The following TPST2 variants were observed in gnomAD, a reference collection of about 807,000 sequenced individuals.
The protein encoded by TPST2 is tyrosylprotein sulfotransferase 2.
Under a neutral mutation model 27.8 loss-of-function variants are expected in TPST2, and 16 were observed. The ratio of observed to expected loss-of-function variants is 0.58; its 90% CI spans 0.39 to 0.88. The LOEUF (loss-of-function observed/expected upper bound fraction) is 0.88, where lower values mean the gene tolerates loss of function less well. Among genes scored for constraint, TPST2 ranks in the 40% least tolerant of loss-of-function variants. The pLI, the probability that TPST2 is intolerant of heterozygous loss-of-function variation, is 0.00. For missense variants in TPST2, 464 were observed against 543.1 expected (o/e 0.85, Z 1.45); for synonymous variants, 229 against 231.7 (o/e 0.99, Z 0.10).
At chr22:26,572,481 C>G (rs760873900) in intron 1 of TPST2, among the ~76,000 whole-genome samples, 7 of 152,222 alleles carry the variant, frequency 4.6e-5, no homozygotes, top group Admixed American at 6.5e-5. Context: ...TACCTTTTTG[C>G]TCAATGCTAT....
intron 1 of TPST2, among the ~76,000 whole-genome samples, chr22:26,583,118 GAAAA>G: frequency 1.0e-5 from 1 of 99,548 alleles, no homozygotes; most frequent in South Asian, 3.0e-4. Context: ...TCTCAAAAAG[GAAAA>G]AAAAAAAAAA....
chr22:26,558,285 C>T (rs1262793447), intron 1 of TPST2, among the ~76,000 whole-genome samples: 1 of 151,666 alleles, frequency 6.6e-6, no homozygotes, highest in Non-Finnish European at 1.5e-5. Context: ...ATTACAGGCA[C>T]TGGGCCACAA....
In TPST2 at chr22:26,541,626, C is replaced by A. The variant is rs773308366; in HGVS notation, c.5G>T (p.Arg2Leu). Residue 2 changes from arginine to leucine, a missense_variant, in exon 3 of 7, where the codon CGC becomes CTC. Transcript: ENST00000338754. The surrounding 1 kb of genome is among the most constrained non-coding windows in gnomAD (Gnocchi z 5.9). Reference protein sequence around the residue: MRLSVRRVLLAA... With the variant: MLLSVRRVLLAA... ...CAGCAGCACCCTCCGCACCGACAGG[C>A]GCATGCTGGGCCGGAGGCAGGGTAG... The A allele has an allele frequency of 6.4e-7, 1 of 1,572,440 alleles. No individual in the cohort carries two copies. Among genetic ancestry groups the A allele is most frequent in the Non-Finnish European group, 8.6e-7 (1 of 1,164,698 alleles).
intron 1 of TPST2, among the ~76,000 whole-genome samples, chr22:26,589,679 T>G: frequency 6.6e-6 from 1 of 151,978 alleles, no homozygotes; most frequent in Non-Finnish European, 1.5e-5. Flanking sequence ...CCCGCGCGCC[T>G]GGGCGAGGTT....
intron 1 of TPST2, among the ~76,000 whole-genome samples, chr22:26,585,262 ACGGGC>A (rs1382447938): frequency 2.0e-5 from 3 of 152,186 alleles, no homozygotes; most frequent in African/African-American, 7.2e-5. Context: ...CACTCGGCAG[ACGGGC>A]TGGCTGCCCG....
At chr22:26,587,416 C>T (rs766447729) in intron 1 of TPST2, among the ~76,000 whole-genome samples, 8 of 152,178 alleles carry the variant, frequency 5.3e-5, no homozygotes, top group Non-Finnish European at 1.0e-4. Flanking sequence ...TCTTGGCTTA[C>T]TGCAACCTCT....
At position 26,552,092 on chromosome 22, in the gene TPST2, G is replaced by A. The variant is rs115839148; in HGVS notation, c.-160-7417C>T. On this transcript the variant is annotated intron_variant, in intron 1 of 6. Coordinates refer to ENST00000338754, the MANE Select transcript of TPST2 (RefSeq NM_003595.5). ...GGGGTCTTAATACATTGTCCAGGCT[G>A]GTCTCAAACTCCTGGGCTCAAGTAA... Among the ~76,000 whole-genome samples, 595 of 151,884 alleles carry A rather than the reference G, an allele frequency of 3.9e-3. 4 individuals carry two copies. The highest frequency in any genetic ancestry group is 0.013 in the African/African-American group (558 of 41,434).
At chr22:26,568,786 T>A (rs979069481) in intron 1 of TPST2, among the ~76,000 whole-genome samples, 2 of 152,210 alleles carry the variant, frequency 1.3e-5, no homozygotes, top group Non-Finnish European at 2.9e-5. Flanking sequence ...TGGGAGGCTC[T>A]GTCTATGCAG....
intron 1 of TPST2, among the ~76,000 whole-genome samples, chr22:26,563,838 T>C (rs1291963478): frequency 6.6e-6 from 1 of 152,226 alleles, no homozygotes; most frequent in Non-Finnish European, 1.5e-5. Flanking sequence ...CCTGGGAGGC[T>C]GCTAGTCCCA....
intron 1 of TPST2, among the ~76,000 whole-genome samples, chr22:26,588,713 A>C (rs1183875093): frequency 6.6e-6 from 1 of 152,200 alleles, no homozygotes; most frequent in East Asian, 1.9e-4. Context: ...CCAGCTTTAC[A>C]GTTATGGAAA....
chr22:26,532,971 C>T (rs1170848390), intron 4 of TPST2, among the ~76,000 whole-genome samples: 1 of 152,064 alleles, frequency 6.6e-6, no homozygotes, highest in African/African-American at 2.4e-5. Context: ...CCTGGAGCTA[C>T]CATTCTAGAG....
intron 1 of TPST2, among the ~76,000 whole-genome samples, chr22:26,572,817 C>T (rs953312416): frequency 2.0e-5 from 3 of 151,768 alleles, no homozygotes; most frequent in Admixed American, 6.6e-5. Flanking sequence ...CTACACTTAT[C>T]ACAGAGCCTG....
intron 2 of TPST2, chr22:26,543,110 CAG>C (rs1447134326): frequency 6.6e-6 from 1 of 152,204 alleles, no homozygotes; most frequent in Non-Finnish European, 1.5e-5. Context: ...CCACTGACCT[CAG>C]AGGCTGCTGT....
chr22:26,537,789 C>T (rs569791267), intron 3 of TPST2, among the ~76,000 whole-genome samples: 18 of 152,200 alleles, frequency 1.2e-4, no homozygotes, highest in Admixed American at 9.8e-4. Context: ...TTAGCATGCT[C>T]TCTCTCCTGT....
At chr22:26,579,196 A>C (rs1927989500) in intron 1 of TPST2, among the ~76,000 whole-genome samples, 1 of 152,064 alleles carries the variant, frequency 6.6e-6, no homozygotes, top group South Asian at 2.1e-4. Flanking sequence ...TTTCTTCCCA[A>C]AACTCTTAGC....
chr22:26,529,069 C>A (rs2147171540), intron 5 of TPST2, among the ~76,000 whole-genome samples: 1 of 151,794 alleles, frequency 6.6e-6, no homozygotes, highest in South Asian at 2.1e-4. Context: ...CCCTAGATAG[C>A]TTCAGGATTA....
At chr22:26,563,772 C>T (rs527500353) in intron 1 of TPST2, among the ~76,000 whole-genome samples, 19 of 152,326 alleles carry the variant, frequency 1.2e-4, no homozygotes, top group African/African-American at 4.3e-4. Flanking sequence ...CCTCCTTGTG[C>T]CCATGCATGA....
intron 1 of TPST2, among the ~76,000 whole-genome samples, chr22:26,581,019 TACACACAC>T (rs10540036): frequency 0.27 from 32,708 of 119,946 alleles, 3,819 homozygotes; most frequent in African/African-American, 0.31. Context: ...TCAACATACA[TACACACAC>T]ACACACACAC....
intron 1 of TPST2, 75 bp from the exon 2 acceptor site, chr22:26,544,750 G>T: frequency 1.2e-6 from 1 of 852,560 alleles, no homozygotes; most frequent in Non-Finnish European, 1.4e-6. Context: ...GAGGCAGAGT[G>T]AGGGTTTAGG....
Sources: gnomAD v4.1 joint callset for allele counts (sites outside exome capture counted in the v4.1 genomes callset) on GRCh38, gnomAD v4.1.1 for gene constraint, Gnocchi (gnomAD v3.1) non-coding constraint, MANE v1.5 for transcripts, NCBI Gene and HGNC (gene_info 2026-07-23, HGNC 2026-07-21) for gene names.